The following CMYA5 variants were observed in gnomAD, a reference collection of about 807,000 sequenced individuals.
CMYA5 encodes cardiomyopathy-associated protein 5.
CMYA5 carries 246 observed loss-of-function variants against 318.9 expected under a neutral mutation model. The observed-to-expected ratio is 0.77, with a 90% confidence interval of 0.70 to 0.86. The LOEUF (loss-of-function observed/expected upper bound fraction) is 0.86. CMYA5 is among the 40% of genes least tolerant of loss of function. CMYA5 has a pLI of 0.00. For missense variants in CMYA5, 4,589 were observed against 4,678.2 expected (o/e 0.98, Z 0.56); for synonymous variants, 1,641 against 1,729.5 (o/e 0.95, Z 1.27).
rs767956132 is a variant in CMYA5, at chr5:79,736,787, ACAGTT to A, written c.8026_8030del (p.Phe2676ArgfsTer37). On this transcript the variant is annotated frameshift_variant, in exon 2 of 13. Coordinates refer to ENST00000446378, the MANE Select transcript of CMYA5 (RefSeq NM_153610.5). LOFTEE classifies it high-confidence loss of function. ...TGCCAGATCACAGTGAAGAAAAAGA[ACAGTT>A]CAGAGAGTCAGAGCTATCGAAAGGC... The A allele has an allele frequency of 9.9e-6, 16 of 1,613,370 alleles. No individual in the cohort carries two copies. Among genetic ancestry groups the A allele is most frequent in the Middle Eastern group, 1.7e-4 (1 of 6,060 alleles).
intron 9 of CMYA5, among the ~76,000 whole-genome samples, chr5:79,770,333 C>T (rs2151096892): frequency 6.6e-6 from 1 of 152,252 alleles, no homozygotes; most frequent in Middle Eastern, 3.4e-3. Flanking sequence ...GCTGGTGTTC[C>T]AGGAGCCACT....
chr5:79,715,169 T>G (rs1827490190), intron 1 of CMYA5, among the ~76,000 whole-genome samples: 1 of 152,176 alleles, frequency 6.6e-6, no homozygotes, highest in Admixed American at 6.5e-5. Flanking sequence ...ATGGTGGGTG[T>G]TAAATATTTG....
Position 79,729,531 on chromosome 5 carries a change from G to C in CMYA5, c.766G>C (p.Glu256Gln). Residue 256 changes from glutamate to glutamine, a missense_variant, in exon 2 of 13, where the codon GAA becomes CAA. By Grantham distance (29) the Glu-to-Gln change is conservative (BLOSUM62 2). Transcript: ENST00000446378. Reference protein sequence around the residue: ...GTLPKGYVIKEIHYRKGKDAS... With the variant: ...GTLPKGYVIKQIHYRKGKDAS... The stretch of plus-strand genomic sequence containing the variant: ...ATTGCCAAAGGGTTATGTAATTAAA[G>C]AAATACATTATAGGAAAGGGAAAGA... 6.2e-7 allele frequency: 1 copy of C among 1,612,720 alleles called. No homozygotes were observed. Among genetic ancestry groups the C allele is most frequent in the Non-Finnish European group, 8.5e-7 (1 of 1,178,922 alleles).
chr5:79,716,076 G>A (rs1435250990), intron 1 of CMYA5, among the ~76,000 whole-genome samples: 3 of 152,186 alleles, frequency 2.0e-5, no homozygotes, highest in Non-Finnish European at 4.4e-5. Context: ...TCACAAGCAC[G>A]TAGATTATCT....
rs1828085691 is a variant in CMYA5, at chr5:79,736,948, T to G, written c.8183T>G (p.Leu2728Arg). Reference protein sequence around the residue: ...EKTKTFLPVVLSCHDEIENHS... With the variant: ...EKTKTFLPVVRSCHDEIENHS... Reference sequence around the variant, plus strand: ...ACTAAGACTTTCCTGCCAGTGGTTCTTTCTTGTCATGATGAAATAGAGAAC... The same window carrying G: ...ACTAAGACTTTCCTGCCAGTGGTTCGTTCTTGTCATGATGAAATAGAGAAC... Residue 2728 changes from leucine to arginine, a missense_variant, in exon 2 of 13, where the codon CTT becomes CGT. Physicochemically the swap from Leu to Arg is moderately radical, Grantham distance 102. Coordinates refer to ENST00000446378, the MANE Select transcript of CMYA5 (RefSeq NM_153610.5). 5 of 1,613,208 alleles carry G rather than the reference T, an allele frequency of 3.1e-6. No individual in the cohort carries two copies. Among genetic ancestry groups the G allele is most frequent in the Non-Finnish European group, 4.2e-6 (5 of 1,179,698 alleles).
rs1030285199 is a variant in CMYA5, at chr5:79,756,670, G to T, written c.11111-2083G>T. 2.6e-5 allele frequency among the ~76,000 whole-genome samples: 4 copies of T among 151,954 alleles called. No individual in the cohort carries two copies. The East Asian group carries it at 7.7e-4, about 29-fold the overall frequency. ...CTGTGTATTTTTTCAGCTCTTTATCGCTGTTGCATCTTCTCAGTTTGTCTC... is the reference window on the plus strand; with the variant it reads ...CTGTGTATTTTTTCAGCTCTTTATCTCTGTTGCATCTTCTCAGTTTGTCTC... On this transcript the variant is annotated intron_variant, in intron 6 of 12. Transcript: ENST00000446378.
At chr5:79,741,422 T>C (rs1828205476) in intron 2 of CMYA5, among the ~76,000 whole-genome samples, 1 of 152,208 alleles carries the variant, frequency 6.6e-6, no homozygotes, top group South Asian at 2.1e-4. Flanking sequence ...TTCAATTAGG[T>C]CCTTGTTAAA....
Position 79,730,419 on chromosome 5 carries a change from T to G in CMYA5, c.1654T>G (p.Ser552Ala), listed in dbSNP as rs1338228553. 6.2e-7 allele frequency: 1 copy of G among 1,613,816 alleles called. No individual in the cohort carries two copies. The highest frequency in any genetic ancestry group is 1.7e-5 in the Admixed American group (1 of 60,006). The change falls in exon 2 of 13, where the codon TCC (serine) becomes GCC (alanine). Residue 552 changes from serine to alanine, a missense_variant. By Grantham distance (99) the Ser-to-Ala change is moderately conservative. This residue lies in a region of CMYA5 where 2,132 missense variants were observed against 2,131.3 expected (regional missense o/e 1.00). Transcript: ENST00000446378. The part of the protein sequence containing the change: ...VSEKPFPPHM[S>A]PEVEHKEEEL... ...CGAGAAGCCCTTCCCACCACATATGTCCCCTGAAGTGGAGCACAAAGAAGA... is the reference window on the plus strand; with the variant it reads ...CGAGAAGCCCTTCCCACCACATATGGCCCCTGAAGTGGAGCACAAAGAAGA...
chr5:79,708,261 T>C (rs1238609769), intron 1 of CMYA5, among the ~76,000 whole-genome samples: 1 of 152,230 alleles, frequency 6.6e-6, no homozygotes, highest in Non-Finnish European at 1.5e-5. Context: ...TAATGACACA[T>C]AGTTTCTGTC....
Position 79,799,433 on chromosome 5 carries a change from G to A in CMYA5, c.12027G>A (p.Val4009=). ...DVHVTERPAR[V]GILLDYNNQR... ...ATGTGACTGAGCGTCCAGCCAGAGTGGGCATCCTGCTGGACTACAACAACC... is the reference window on the plus strand; with the variant it reads ...ATGTGACTGAGCGTCCAGCCAGAGTAGGCATCCTGCTGGACTACAACAACC... Residue 4009 remains valine, a synonymous_variant, in exon 13 of 13, where the codon GTG becomes GTA. Transcript: ENST00000446378. The A allele has an allele frequency of 6.2e-7, 1 of 1,613,808 alleles. No homozygotes were observed. The highest frequency in any genetic ancestry group is 1.1e-5 in the South Asian group (1 of 91,068).
intron 9 of CMYA5, among the ~76,000 whole-genome samples, chr5:79,786,069 T>G (rs531207685): frequency 9.4e-4 from 143 of 152,192 alleles, no homozygotes; most frequent in African/African-American, 3.3e-3. Flanking sequence ...AGACAGTGAG[T>G]CTCCTCTAAG....
At chr5:79,722,235 A>C (rs189746602) in intron 1 of CMYA5, among the ~76,000 whole-genome samples, 1 of 152,232 alleles carries the variant, frequency 6.6e-6, no homozygotes, top group Non-Finnish European at 1.5e-5. Context: ...GAAATCACAA[A>C]GGAAATTTTA....
rs1828824148 is a variant in CMYA5, at chr5:79,769,988, G to C, written c.11555+6779G>C. 3.9e-5 allele frequency among the ~76,000 whole-genome samples: 6 copies of C among 152,218 alleles called. No homozygotes were observed. The South Asian group carries it at 1.2e-3, about 32-fold the overall frequency. On this transcript the variant is annotated intron_variant, in intron 9 of 12. Coordinates refer to ENST00000446378, the MANE Select transcript of CMYA5 (RefSeq NM_153610.5). The stretch of plus-strand genomic sequence containing the variant: ...GACTGGGGCTGCTACCTTTCTTTCA[G>C]AGATGCCCTGCTAAGAGAGGAGGAA...
chr5:79,710,788 G>A (rs1349114464), intron 1 of CMYA5, among the ~76,000 whole-genome samples: 2 of 152,146 alleles, frequency 1.3e-5, no homozygotes, highest in Non-Finnish European at 2.9e-5. Flanking sequence ...ATTAACAAGG[G>A]TGGTCTGTAT....
At chr5:79,762,974 G>A in intron 8 of CMYA5, 88 bp from the exon 9 acceptor site, 1 of 1,423,900 alleles carries the variant, frequency 7.0e-7, no homozygotes. Context: ...ACAGAATCAT[G>A]CCGAAGCCGT....
In CMYA5 at chr5:79,737,869, C is replaced by T; in HGVS notation, c.9104C>T (p.Ser3035Leu). ...HKTKEEISTD[S>L]ETDLSFIQPT... Reference sequence around the variant, plus strand: ...ACAAAAGAAGAGATATCCACAGATTCAGAAACTGATTTATCATTTATTCAG... The same window carrying T: ...ACAAAAGAAGAGATATCCACAGATTTAGAAACTGATTTATCATTTATTCAG... Residue 3035 changes from serine to leucine, a missense_variant, in exon 2 of 13, where the codon TCA becomes TTA. By Grantham distance (145) the Ser-to-Leu change is moderately radical. Transcript: ENST00000446378. 1 of 1,598,592 alleles carries T rather than the reference C, an allele frequency of 6.3e-7. No homozygotes were observed. The highest frequency in any genetic ancestry group is 8.5e-7 in the Non-Finnish European group (1 of 1,176,114).
At chr5:79,754,568 G>C (rs1251431065) in intron 6 of CMYA5, among the ~76,000 whole-genome samples, 1 of 152,208 alleles carries the variant, frequency 6.6e-6, no homozygotes, top group Non-Finnish European at 1.5e-5. Context: ...CGAAAAGGCA[G>C]AGTGCTGCTG....
chr5:79,722,900 A>G (rs1293222717), intron 1 of CMYA5, among the ~76,000 whole-genome samples: 1 of 149,602 alleles, frequency 6.7e-6, no homozygotes, highest in Non-Finnish European at 1.5e-5. Context: ...ACAAAATAAA[A>G]ACTAAAAACA....
intron 1 of CMYA5, among the ~76,000 whole-genome samples, chr5:79,692,528 C>T (rs1826988310): frequency 6.6e-6 from 1 of 152,126 alleles, no homozygotes; most frequent in African/African-American, 2.4e-5. Flanking sequence ...ATATATCATC[C>T]AGTGATATGA....
Sources: gnomAD v4.1 joint callset for allele counts (sites outside exome capture counted in the v4.1 genomes callset) on GRCh38, gnomAD v4.1.1 for gene constraint, gnomAD v4.1.1 regional missense constraint, MANE v1.5 for transcripts, NCBI Gene and HGNC (gene_info 2026-07-23, HGNC 2026-07-21) for gene names.